WDR27: variants seen among roughly 807,000 people sequenced by gnomAD.
WDR27 encodes the protein WD repeat domain 27, also known as WD repeat-containing protein 27.
A neutral mutation model predicts 114.4 loss-of-function variants in WDR27; 100 were observed. The observed-to-expected ratio is 0.87, with a 90% CI of 0.74 to 1.03. The LOEUF (loss-of-function observed/expected upper bound fraction) is 1.03, where lower values mean the gene tolerates loss of function less well. Among genes scored for constraint, WDR27 ranks in the 50% least tolerant of loss-of-function variants. The pLI is 0.00. For missense variants in WDR27, 1,129 were observed against 1,092.9 expected (o/e 1.03, Z -0.47); for synonymous variants, 449 against 423.1 (o/e 1.06, Z -0.75).
chr6:169,611,946 C>G (rs192769946), intron 22 of WDR27, among the ~76,000 whole-genome samples: 119 of 150,236 alleles, frequency 7.9e-4, no homozygotes, highest in African/African-American at 2.9e-3. Flanking sequence ...ACCAACCTAG[C>G]CAACATGGTG....
chr6:169,596,279 AT>A (rs1451298699), intron 23 of WDR27, among the ~76,000 whole-genome samples: 1 of 151,936 alleles, frequency 6.6e-6, no homozygotes, highest in Non-Finnish European at 1.5e-5. Flanking sequence ...GAACTTCTAT[AT>A]TTACCTTTCA....
intron 14 of WDR27, among the ~76,000 whole-genome samples, chr6:169,651,018 T>C (rs1273237147): frequency 6.6e-6 from 1 of 152,044 alleles, no homozygotes; most frequent in Non-Finnish European, 1.5e-5. Flanking sequence ...GGTTGGAAGA[T>C]GTGTTTACAC....
chr6:169,501,142 G>A (rs1791164727), intron 25 of WDR27, among the ~76,000 whole-genome samples: 1 of 152,242 alleles, frequency 6.6e-6, no homozygotes, highest in African/African-American at 2.4e-5. Flanking sequence ...TGGCGGCTGG[G>A]CATTCTTTTC....
rs369797685 is a variant in WDR27, at chr6:169,645,036, T to TAAAAAAAAAAAAAAAAAAAAAAAAAAAAA, written c.1658-1251_1658-1250insTTTTTTTTTTTTTTTTTTTTTTTTTTTTT. On this transcript the variant is annotated intron_variant, in intron 16 of 25. Transcript: ENST00000448612. ...AAAAAAAAAAAATAAAAAAAAAAAA[T>TAAAAAAAAAAAAAAAAAAAAAAAAAAAAA]AAAAAAAAAAAAAAAAAAAAAAGAA... Among the ~76,000 whole-genome samples the TAAAAAAAAAAAAAAAAAAAAAAAAAAAAA allele has an allele frequency of 5.5e-4, 42 of 76,948 alleles. 1 individual carries two copies. The highest frequency in any genetic ancestry group is 9.8e-3 in the Middle Eastern group (1 of 102). The allele number at this position is 76,948 out of a possible 152,430, so 50.5% of individuals were successfully genotyped here.
chr6:169,632,036 A>G (rs111746888), intron 21 of WDR27, among the ~76,000 whole-genome samples: 4,538 of 151,768 alleles, frequency 0.03, 165 homozygotes, highest in African/African-American at 0.09. Context: ...AATACAAAAC[A>G]AATTAGCCAG....
At position 169,525,311 on chromosome 6, in the gene WDR27, C is replaced by T. The variant is rs545760438; in HGVS notation, c.2645+47108G>A. On this transcript the variant is annotated intron_variant, in intron 25 of 25. Transcript: ENST00000448612. ...CAGCACTTTGGGAGGCCAAGACAGGCGGATTGTGAGGTCAGGAGATCGAGA... is the reference window on the plus strand; with the variant it reads ...CAGCACTTTGGGAGGCCAAGACAGGTGGATTGTGAGGTCAGGAGATCGAGA... 2.1e-4 allele frequency among the ~76,000 whole-genome samples: 32 copies of T among 151,968 alleles called. No homozygotes were observed. The South Asian group carries it at 3.3e-3, about 16-fold the overall frequency.
At chr6:169,474,440 T>C (rs557317547) in intron 25 of WDR27, among the ~76,000 whole-genome samples, 3 of 152,258 alleles carry the variant, frequency 2.0e-5, no homozygotes, top group Admixed American at 6.5e-5. Flanking sequence ...ATTAGAAACA[T>C]GGTAAAAGAA....
chr6:169,573,364 T>A (rs1372919776), intron 24 of WDR27, among the ~76,000 whole-genome samples: 1 of 152,208 alleles, frequency 6.6e-6, no homozygotes, highest in Admixed American at 6.5e-5. Flanking sequence ...CTTACATTAA[T>A]CCTCTTTTAT....
At chr6:169,614,296 T>C (rs1387643014) in intron 21 of WDR27, among the ~76,000 whole-genome samples, 6 of 152,164 alleles carry the variant, frequency 3.9e-5, no homozygotes, top group Middle Eastern at 3.2e-3. Context: ...ATTAAAAATA[T>C]TAAGACAAAT....
intron 2 of WDR27, among the ~76,000 whole-genome samples, chr6:169,682,926 A>C (rs1439099251): frequency 6.6e-6 from 1 of 152,222 alleles, no homozygotes; most frequent in Non-Finnish European, 1.5e-5. Context: ...AATTAAATGA[A>C]AAATGCAATA....
At chr6:169,514,093 G>C (rs561874560) in intron 25 of WDR27, among the ~76,000 whole-genome samples, 3 of 152,092 alleles carry the variant, frequency 2.0e-5, no homozygotes, top group Non-Finnish European at 2.9e-5. Context: ...TGGATGAAGA[G>C]AGGAAACAAT....
chr6:169,427,685 C>T, the WDR27 span, among the ~76,000 whole-genome samples: 1 of 151,966 alleles, frequency 6.6e-6, no homozygotes, highest in African/African-American at 2.4e-5. Context: ...TTCTGAATCC[C>T]ACCTGTGCCC....
the WDR27 span, among the ~76,000 whole-genome samples, chr6:169,434,955 C>T: frequency 6.6e-6 from 1 of 152,168 alleles, no homozygotes; most frequent in East Asian, 1.9e-4. Flanking sequence ...ATCACAAGCC[C>T]AGAGGTCTAG....
Position 169,672,397 on chromosome 6 carries a change from C to G in WDR27, c.190-1G>C. 6.3e-7 allele frequency: 1 copy of G among 1,586,652 alleles called. No homozygotes were observed. Reference sequence around the variant, plus strand: ...GATGGTGTCCTCGTAGGATTAGAAGCTGGGAAAATTAACAAAAATAAAACA... The same window carrying G: ...GATGGTGTCCTCGTAGGATTAGAAGGTGGGAAAATTAACAAAAATAAAACA... On this transcript the variant is annotated splice_acceptor_variant, in intron 2 of 25. Transcript: ENST00000448612. LOFTEE classifies it high-confidence loss of function.
At chr6:169,547,379 C>CA (rs1797587933) in intron 25 of WDR27, among the ~76,000 whole-genome samples, 1 of 151,960 alleles carries the variant, frequency 6.6e-6, no homozygotes, top group South Asian at 2.1e-4. Flanking sequence ...AAAAAAAAGA[C>CA]AACTAGAGAC....
chr6:169,600,993 A>T (rs1357378939), intron 23 of WDR27, among the ~76,000 whole-genome samples: 2 of 152,162 alleles, frequency 1.3e-5, no homozygotes, highest in Non-Finnish European at 2.9e-5. Context: ...GAGAAGAGCA[A>T]CTCCAAGACA....
At chr6:169,657,277 G>A (rs1468123051) in intron 13 of WDR27, among the ~76,000 whole-genome samples, 1 of 152,230 alleles carries the variant, frequency 6.6e-6, no homozygotes, top group Non-Finnish European at 1.5e-5. Flanking sequence ...GGTGTTCGAG[G>A]CCTGATTTCA....
intron 17 of WDR27, among the ~76,000 whole-genome samples, chr6:169,639,376 A>G (rs1268904209): frequency 2.0e-5 from 3 of 152,224 alleles, no homozygotes; most frequent in East Asian, 3.8e-4. Flanking sequence ...AAAGAACATG[A>G]TAACATTTAG....
chr6:169,500,497 T>C (rs1791037518), intron 25 of WDR27, among the ~76,000 whole-genome samples: 1 of 152,128 alleles, frequency 6.6e-6, no homozygotes, highest in African/African-American at 2.4e-5. Context: ...CCACACTAAC[T>C]TCTGAGCTGG....
Sources: gnomAD v4.1 joint callset for allele counts (sites outside exome capture counted in the v4.1 genomes callset) on GRCh38, gnomAD v4.1.1 for gene constraint, MANE v1.5 for transcripts, NCBI Gene and HGNC (gene_info 2026-07-23, HGNC 2026-07-21) for gene names.